The following TCF7L1 variants were observed in gnomAD, a reference collection of about 807,000 sequenced individuals.
The protein encoded by TCF7L1 is transcription factor 7-like 1.
TCF7L1 carries 18 observed loss-of-function variants against 63.7 expected under a neutral mutation model. The ratio of observed to expected loss-of-function variants is 0.28; its 90% CI spans 0.20 to 0.42. The LOEUF (loss-of-function observed/expected upper bound fraction) is 0.42. Ranked by LOEUF, TCF7L1 falls within the 10% of genes least tolerant of loss-of-function variation. The pLI, the probability that TCF7L1 is intolerant of heterozygous loss-of-function variation, is 1.00. For synonymous variants in TCF7L1, 355 were observed against 340.9 expected (o/e 1.04, Z -0.46); for missense variants, 654 against 779.3 (o/e 0.84, Z 1.91).
chr2:85,297,537 G>T (rs570424412), intron 4 of TCF7L1, among the ~76,000 whole-genome samples: 2 of 152,270 alleles, frequency 1.3e-5, no homozygotes, highest in East Asian at 3.9e-4. Context: ...TGAAAGTCAT[G>T]CTCTCAGGCC....
At position 85,306,148 on chromosome 2, in the gene TCF7L1, G is replaced by A; in HGVS notation, c.990-58G>A. 6.2e-7 allele frequency: 1 copy of A among 1,603,308 alleles called. No homozygotes were observed. Reference sequence around the variant, plus strand: ...ATCAGCGGTGTTTCAGTGACAGGTGGGGATTGATGAGTTGTGTGACACCTG... The same window carrying A: ...ATCAGCGGTGTTTCAGTGACAGGTGAGGATTGATGAGTTGTGTGACACCTG... On this transcript the variant is annotated intron_variant, in intron 8 of 11. Transcript: ENST00000282111. The surrounding 1 kb of genome is among the most constrained non-coding windows in gnomAD (Gnocchi z 4.3).
intron 3 of TCF7L1, among the ~76,000 whole-genome samples, chr2:85,223,812 A>C (rs1186437167): frequency 6.6e-6 from 1 of 152,110 alleles, no homozygotes; most frequent in African/African-American, 2.4e-5. Flanking sequence ...ATTATACTTT[A>C]AGTTCTAGGA....
At chr2:85,226,653 C>T (rs537946813) in intron 3 of TCF7L1, among the ~76,000 whole-genome samples, 1 of 152,178 alleles carries the variant, frequency 6.6e-6, no homozygotes, top group Non-Finnish European at 1.5e-5. Context: ...TTCTCTCCCT[C>T]CTGTCCCATA....
chr2:85,302,115 A>G (rs143909130), intron 4 of TCF7L1, among the ~76,000 whole-genome samples: 2 of 152,236 alleles, frequency 1.3e-5, no homozygotes, highest in Admixed American at 6.5e-5. Flanking sequence ...GTGACAGAGC[A>G]AGACTCCATC....
intron 3 of TCF7L1, among the ~76,000 whole-genome samples, chr2:85,269,324 A>G (rs1163577671): frequency 6.6e-6 from 1 of 152,228 alleles, no homozygotes; most frequent in Non-Finnish European, 1.5e-5. Flanking sequence ...CCACTTTTTA[A>G]AAATGGAGCT....
chr2:85,251,230 G>A (rs1170215176), intron 3 of TCF7L1, among the ~76,000 whole-genome samples: 2 of 152,222 alleles, frequency 1.3e-5, no homozygotes, highest in East Asian at 3.8e-4. Context: ...CTTGCTGTCT[G>A]AATAATGTTT....
At chr2:85,170,096 A>T (rs1663704493) in intron 3 of TCF7L1, among the ~76,000 whole-genome samples, 1 of 152,218 alleles carries the variant, frequency 6.6e-6, no homozygotes, top group African/African-American at 2.4e-5. Flanking sequence ...AGAGAGGAGG[A>T]TGAGATCCCA....
chr2:85,144,790 A>T (rs1574077345), intron 3 of TCF7L1, among the ~76,000 whole-genome samples: 1 of 150,954 alleles, frequency 6.6e-6, no homozygotes, highest in African/African-American at 2.4e-5. Context: ...ATGGTTAGAA[A>T]TCATGAAACT....
chr2:85,149,674 G>A (rs1423202284), intron 3 of TCF7L1, among the ~76,000 whole-genome samples: 1 of 152,032 alleles, frequency 6.6e-6, no homozygotes, highest in African/African-American at 2.4e-5. Context: ...ACAGGCACCT[G>A]TCATTACACC....
At chr2:85,202,765 T>A (rs1454480025) in intron 3 of TCF7L1, among the ~76,000 whole-genome samples, 1 of 152,190 alleles carries the variant, frequency 6.6e-6, no homozygotes, top group Non-Finnish European at 1.5e-5. Flanking sequence ...GCACGTAAGG[T>A]ACTGTGAGGT....
At chr2:85,240,512 CT>C (rs905536874) in intron 3 of TCF7L1, among the ~76,000 whole-genome samples, 7 of 151,924 alleles carry the variant, frequency 4.6e-5, no homozygotes, top group Admixed American at 2.6e-4. Flanking sequence ...TGGCTCACAC[CT>C]GTAATCCCAG....
At chr2:85,261,126 GTGTGTGTGTGTGT>G (rs1680848961) in intron 3 of TCF7L1, among the ~76,000 whole-genome samples, 39 of 106,878 alleles carry the variant, frequency 3.6e-4, no homozygotes, top group Admixed American at 3.2e-3. Flanking sequence ...TATTGCTGGT[GTGTGTGTGTGTGT>G]GTGTGTGTGT....
At chr2:85,166,467 G>A (rs1350816842) in intron 3 of TCF7L1, among the ~76,000 whole-genome samples, 1 of 152,250 alleles carries the variant, frequency 6.6e-6, no homozygotes, top group African/African-American at 2.4e-5. Flanking sequence ...GAGGGGACAG[G>A]TCAGGAATAA....
rs1416838570 is a variant in TCF7L1 at position 85,133,762 on chromosome 2, C to A, written c.78C>A (p.Ala26=). 1.6e-6 allele frequency: 2 copies of A among 1,243,168 alleles called. No homozygotes were observed. Among genetic ancestry groups the A allele is most frequent in the East Asian group, 3.1e-5 (1 of 31,760 alleles). 77.0% of individuals were successfully genotyped at this position (1,243,168 alleles called of 1,614,324 possible). Reference sequence around the variant, plus strand: ...GCGGCGGCTCCAGCGCCGGGGCGGCCGGCGGAGGGGACGACCTCGGGGCGA... The same window carrying A: ...GCGGCGGCTCCAGCGCCGGGGCGGCAGGCGGAGGGGACGACCTCGGGGCGA... ...GGGGGSSAGA[A]GGGDDLGAND... is the part of the protein sequence containing the mutation. Residue 26 remains alanine (A), a synonymous_variant, in exon 1 of 12, where the codon GCC becomes GCA. Coordinates refer to ENST00000282111, the MANE Select transcript of TCF7L1 (RefSeq NM_031283.3). The surrounding 1 kb of genome is among the most constrained non-coding windows in gnomAD (Gnocchi z 4.4).
intron 4 of TCF7L1, among the ~76,000 whole-genome samples, chr2:85,285,094 G>A (rs1407355105): frequency 3.9e-5 from 6 of 152,116 alleles, no homozygotes; most frequent in South Asian, 2.1e-4. Flanking sequence ...TTAGCCAGGC[G>A]TGGTGGCGGG....
intron 3 of TCF7L1, among the ~76,000 whole-genome samples, chr2:85,181,073 G>A (rs535489451): frequency 3.9e-5 from 6 of 152,316 alleles, no homozygotes; most frequent in East Asian, 1.9e-4. Context: ...TTCAGGTTTC[G>A]TAGACCTAAG....
At chr2:85,222,769 G>C (rs1055079003) in intron 3 of TCF7L1, among the ~76,000 whole-genome samples, 1 of 151,946 alleles carries the variant, frequency 6.6e-6, no homozygotes, top group African/African-American at 2.4e-5. Context: ...ATCCTGATTG[G>C]AATAAACTGT....
At chr2:85,279,241 C>G (rs1370068279) in intron 3 of TCF7L1, among the ~76,000 whole-genome samples, 1 of 152,140 alleles carries the variant, frequency 6.6e-6, no homozygotes, top group African/African-American at 2.4e-5. Flanking sequence ...TCAGGGTGAT[C>G]GTGGGGTTGG....
At chr2:85,207,976 G>T (rs891838111) in intron 3 of TCF7L1, among the ~76,000 whole-genome samples, 3 of 151,920 alleles carry the variant, frequency 2.0e-5, no homozygotes, top group African/African-American at 7.3e-5. Flanking sequence ...GCGCCATCTC[G>T]GCCCACTGCA....
Sources: gnomAD v4.1 joint callset for allele counts (sites outside exome capture counted in the v4.1 genomes callset) on GRCh38, gnomAD v4.1.1 for gene constraint, Gnocchi (gnomAD v3.1) non-coding constraint, MANE v1.5 for transcripts, NCBI Gene and HGNC (gene_info 2026-07-23, HGNC 2026-07-21) for gene names.